Variants in VPS53 observed in about 807,000 individuals in gnomAD.
VPS53 encodes vacuolar protein sorting-associated protein 53 homolog.
A neutral mutation model predicts 107.0 loss-of-function variants in VPS53; 70 were observed. The ratio of observed to expected loss-of-function variants is 0.65; its 90% CI spans 0.54 to 0.80. VPS53 has a LOEUF of 0.80. VPS53 is among the 30% of genes least tolerant of loss of function. The pLI, the probability that VPS53 is intolerant of heterozygous loss-of-function variation, is 0.00. For missense variants in VPS53, 917 were observed against 1,049.4 expected (o/e 0.87, Z 1.74); for synonymous variants, 409 against 393.3 (o/e 1.04, Z -0.47).
chr17:673,378 G>C (rs1398062270), intron 4 of VPS53, among the ~76,000 whole-genome samples: 1 of 152,192 alleles, frequency 6.6e-6, no homozygotes, highest in Non-Finnish European at 1.5e-5. Flanking sequence ...CTGAAACAGA[G>C]GTGCTTCAGC....
intron 4 of VPS53, chr17:685,232 C>G (rs1972545622): frequency 6.6e-6 from 1 of 152,180 alleles, no homozygotes; most frequent in African/African-American, 2.4e-5. Context: ...GTTGAACAGG[C>G]AGCAAAGGCT....
In VPS53 at chr17:710,618, A is replaced by G; in HGVS notation, c.88-5T>C. ...AGGGTCCTGGCTTGGAAACACCTAT[A>G]TAGAAAGAGAGGAGTATATATAAAA... On this transcript the variant is annotated splice_region_variant and splice_polypyrimidine_tract_variant and intron_variant, in intron 1 of 21. Coordinates refer to ENST00000437048, the MANE Select transcript of VPS53 (RefSeq NM_001128159.3). 1 of 1,600,638 alleles carries G rather than the reference A, an allele frequency of 6.2e-7. No individual in the cohort carries two copies.
Position 648,891 on chromosome 17 carries a change from A to AC in VPS53, c.608+4399dup, listed in dbSNP as rs1431645287. Among the ~76,000 whole-genome samples the AC allele has an allele frequency of 9.2e-4, 120 of 130,616 alleles. 2 individuals carry two copies. The highest frequency in any genetic ancestry group is 3.4e-3 in the African/African-American group (117 of 34,826). 85.7% of individuals were successfully genotyped at this position (130,616 alleles called of 152,430 possible). A position where few individuals can be genotyped will look rare whatever the true frequency, so the allele number is the denominator to read the frequency against. ...TGGAGGACAGAGGAATGGAACAGGC[A>AC]CTAAGATCTTACACTATAGGACAGA... On this transcript the variant is annotated intron_variant, in intron 7 of 21. Transcript: ENST00000437048.
chr17:567,614 C>T (rs1440111669), intron 13 of VPS53, among the ~76,000 whole-genome samples: 2 of 151,944 alleles, frequency 1.3e-5, no homozygotes, highest in African/African-American at 4.8e-5. Flanking sequence ...AATTCTCCTG[C>T]CTCAGCCTCC....
At chr17:681,100 C>G (rs1441255287) in intron 4 of VPS53, among the ~76,000 whole-genome samples, 1 of 151,762 alleles carries the variant, frequency 6.6e-6, no homozygotes, top group East Asian at 1.9e-4. Flanking sequence ...CTATATTTTC[C>G]CCCCAGACAA....
intron 11 of VPS53, among the ~76,000 whole-genome samples, chr17:603,665 T>C (rs1349282934): frequency 6.6e-6 from 1 of 152,170 alleles, no homozygotes; most frequent in African/African-American, 2.4e-5. Flanking sequence ...TGATAAACAA[T>C]ATGGTCTAAC....
intron 8 of VPS53, among the ~76,000 whole-genome samples, chr17:629,310 T>A (rs952147503): frequency 6.6e-6 from 1 of 152,198 alleles, no homozygotes; most frequent in Non-Finnish European, 1.5e-5. Context: ...AGAGAAGTCA[T>A]AGATGCCAAA....
intron 11 of VPS53, among the ~76,000 whole-genome samples, chr17:604,948 T>C (rs1195503721): frequency 6.6e-6 from 1 of 152,188 alleles, no homozygotes; most frequent in South Asian, 2.1e-4. Flanking sequence ...GATTAGAGTC[T>C]GCTGGGGGAG....
rs544793122 is a variant in VPS53, at chr17:689,407, C to G, written c.285+8011G>C. On this transcript the variant is annotated intron_variant, in intron 4 of 21. Coordinates refer to ENST00000437048, the MANE Select transcript of VPS53 (RefSeq NM_001128159.3). ...CAAACCCCTGGGCTCACGCAATCCTCCTACCTCAAACTCCTGAGTAGCCAA... is the reference window on the plus strand; with the variant it reads ...CAAACCCCTGGGCTCACGCAATCCTGCTACCTCAAACTCCTGAGTAGCCAA... Among the ~76,000 whole-genome samples the G allele has an allele frequency of 5.9e-5, 9 of 152,036 alleles. No homozygotes were observed. In the South Asian group the frequency reaches 1.0e-3, roughly 18 times the overall value.
intron 1 of VPS53, 200 bp downstream of exon 1, chr17:714,423 A>C (rs535577436): frequency 7.1e-5 from 42 of 588,950 alleles, no homozygotes; most frequent in African/African-American, 7.1e-4. Flanking sequence ...GCCAAAGACA[A>C]TCAAAGCCTA....
At chr17:707,620 G>A (rs1036300613) in intron 2 of VPS53, among the ~76,000 whole-genome samples, 6 of 151,942 alleles carry the variant, frequency 3.9e-5, no homozygotes, top group South Asian at 2.1e-4. Context: ...AGGCTGAGGC[G>A]GGAGGATCAC....
intron 5 of VPS53, among the ~76,000 whole-genome samples, chr17:656,496 G>A (rs1462974665): frequency 6.6e-6 from 1 of 152,204 alleles, no homozygotes; most frequent in Non-Finnish European, 1.5e-5. Context: ...GCAGTCTTCA[G>A]GGAGTGAGAA....
chr17:521,314 C>T (rs1246112766), intron 20 of VPS53, among the ~76,000 whole-genome samples: 2 of 152,228 alleles, frequency 1.3e-5, no homozygotes, highest in African/African-American at 2.4e-5. Context: ...CCCTGACATA[C>T]ACTGATTCAC....
At chr17:580,240 C>G (rs181628640) in intron 13 of VPS53, among the ~76,000 whole-genome samples, 53 of 151,180 alleles carry the variant, frequency 3.5e-4, no homozygotes, top group African/African-American at 1.2e-3. Flanking sequence ...CTAATGCGTT[C>G]CCAGAGATCC....
chr17:634,050 C>T (rs1234459772), intron 7 of VPS53, among the ~76,000 whole-genome samples: 6 of 152,186 alleles, frequency 3.9e-5, no homozygotes, highest in Non-Finnish European at 5.9e-5. Context: ...AGGGGAAGTC[C>T]AGCCGCTAGC....
intron 12 of VPS53, among the ~76,000 whole-genome samples, chr17:593,585 A>C (rs1597354858): frequency 1.3e-5 from 2 of 152,360 alleles, no homozygotes; most frequent in African/African-American, 4.8e-5. Flanking sequence ...CCATCAGAGA[A>C]ATGCAAATCA....
At chr17:556,886 G>C (rs193128569) in intron 15 of VPS53, among the ~76,000 whole-genome samples, 55 of 151,104 alleles carry the variant, frequency 3.6e-4, no homozygotes, top group African/African-American at 1.3e-3. Context: ...CCTACTGAAG[G>C]GGGGTGGCCA....
chr17:703,245 A>T (rs1973271727), intron 2 of VPS53, among the ~76,000 whole-genome samples: 1 of 152,264 alleles, frequency 6.6e-6, no homozygotes, highest in Non-Finnish European at 1.5e-5. Context: ...TCTGCAGGAC[A>T]GGTGCTTTGC....
intron 17 of VPS53, chr17:540,365 T>A (rs1910534340): frequency 6.6e-6 from 1 of 151,948 alleles, no homozygotes; most frequent in African/African-American, 2.4e-5. Context: ...AAAAATATAT[T>A]TTTTTCTTTT....
Sources: allele counts gnomAD v4.1 joint callset (sites outside exome capture counted in the v4.1 genomes callset), GRCh38; gene constraint gnomAD v4.1.1; transcripts MANE v1.5; gene names NCBI Gene and HGNC (gene_info 2026-07-23, HGNC 2026-07-21).